The following TIMELESS variants were observed in gnomAD, a reference collection of about 807,000 sequenced individuals.
TIMELESS encodes timeless circadian regulator.
TIMELESS carries 124 observed loss-of-function variants against 164.3 expected under a neutral mutation model. The ratio of observed to expected loss-of-function variants is 0.75; its 90% CI spans 0.65 to 0.88. The LOEUF (loss-of-function observed/expected upper bound fraction) is 0.88, where lower values mean the gene tolerates loss of function less well. TIMELESS is among the 40% of genes least tolerant of loss of function. The probability of loss-of-function intolerance (pLI) is 0.00; values close to 1 mark genes in which losing one functional copy is unlikely to be tolerated. For missense variants in TIMELESS, 1,422 were observed against 1,491.4 expected, an observed-to-expected ratio of 0.95 and a Z score of 0.77; for synonymous variants, 564 against 563.4, an observed-to-expected ratio of 1.00 and a Z score of -0.02.
intron 9 of TIMELESS, 133 bp from the exon 10 acceptor site, chr12:56,430,414 G>A (rs1426861489): frequency 6.7e-6 from 7 of 1,038,784 alleles, no homozygotes; most frequent in Middle Eastern, 3.2e-4. Context: ...CACCCAGGCT[G>A]GAGTGTAATG....
rs1297053947 is a variant in TIMELESS at position 56,418,437 on chromosome 12, G to A, written c.3229-78C>T. 4 of 1,054,904 alleles carry A rather than the reference G, an allele frequency of 3.8e-6. No individual in the cohort carries two copies. In the East Asian group the frequency reaches 9.6e-5, roughly 25 times the overall value. The allele number at this position is 1,054,904 out of a possible 1,614,324, so 65.3% of individuals were successfully genotyped here. A position where few individuals can be genotyped will look rare whatever the true frequency, so the allele number is the denominator to read the frequency against. ...AGTATGATATTCATTGAATATATAT[G>A]ACCCAATATTGGTGAAGATCCACAA... On this transcript the variant is annotated intron_variant, in intron 26 of 28. Transcript: ENST00000553532.
rs1275942314 is a variant in TIMELESS, at chr12:56,420,830, T to A, written c.3092A>T (p.Asp1031Val). Residue 1031 changes from aspartate (D) to valine (V), a missense_variant, in exon 25 of 29, where the codon GAT (aspartate) becomes GTT (valine). Asp to Val is a radical substitution (Grantham distance 152). Coordinates refer to ENST00000553532, the MANE Select transcript of TIMELESS (RefSeq NM_003920.5). Reference sequence around the variant, plus strand: ...CCACTCACCATCCTCTTCCCGATCATCAGCTGCTCGGATCAGGCAGTTCTG... The same window carrying A: ...CCACTCACCATCCTCTTCCCGATCAACAGCTGCTCGGATCAGGCAGTTCTG... ...WLQNCLIRAA[D>V]DREEDGCSQA... 3 of 1,614,172 alleles carry A rather than the reference T, an allele frequency of 1.9e-6. No individual in the cohort carries two copies. Among genetic ancestry groups the A allele is most frequent in the Non-Finnish European group, 1.7e-6 (2 of 1,180,030 alleles).
intron 25 of TIMELESS, 52 bp from the exon 26 acceptor site, chr12:56,420,739 C>A: frequency 6.2e-7 from 1 of 1,612,702 alleles, no homozygotes; most frequent in African/African-American, 1.3e-5. Flanking sequence ...AGAACTGGTT[C>A]TCCATCCCAT....
In TIMELESS at chr12:56,430,155, A is replaced by C. The variant is rs757897500; in HGVS notation, c.1036T>G (p.Cys346Gly). 5 of 1,613,998 alleles carry C rather than the reference A, an allele frequency of 3.1e-6. No homozygotes were observed. The highest frequency in any genetic ancestry group is 4.2e-6 in the Non-Finnish European group (5 of 1,180,028). Residue 346 changes from cysteine to glycine, a missense_variant, in exon 10 of 29, where the codon TGC becomes GGC. Transcript: ENST00000553532. ...TAACAGTTCTCCAGGAACTCAGAGC[A>C]GAAGTCTCTGAGGAAGAGCCTCACA... ...LNVRLFLRDF[C>G]SEFLENCYNR...
rs138766529 is a variant in TIMELESS at position 56,441,608 on chromosome 12, C to T, written c.-61-7377G>A. ...TGCCACTGCACTCCAGCCTGGGTAA[C>T]AGAGTGAGACCCTGTCTCAAAAGAC... On this transcript the variant is annotated intron_variant, in intron 1 of 28. Transcript: ENST00000553532. Among the ~76,000 whole-genome samples the T allele has an allele frequency of 3.7e-3, 557 of 152,160 alleles. 3 individuals carry two copies. Among genetic ancestry groups the T allele is most frequent in the African/African-American group, 0.013 (531 of 41,514 alleles).
At chr12:56,444,500 T>C (rs916919414) in intron 1 of TIMELESS, among the ~76,000 whole-genome samples, 4 of 152,184 alleles carry the variant, frequency 2.6e-5, no homozygotes, top group African/African-American at 7.2e-5. Flanking sequence ...ATTTCCAACC[T>C]TCCCTTTATA....
intron 1 of TIMELESS, among the ~76,000 whole-genome samples, chr12:56,435,822 G>A (rs1288930614): frequency 1.3e-5 from 2 of 152,020 alleles, no homozygotes; most frequent in Non-Finnish European, 2.9e-5. Context: ...AGCCAGGCGC[G>A]ATGGCGGGCG....
chr12:56,433,414 G>C lies in TIMELESS; in HGVS notation c.396C>G (p.Val132=), dbSNP rs202023750. The C allele has an allele frequency of 1.1e-5, 17 of 1,614,034 alleles. No homozygotes were observed. The highest frequency in any genetic ancestry group is 1.4e-5 in the Non-Finnish European group (17 of 1,180,048). The part of the protein sequence containing the change: ...EAFASEKAFG[V]LSETLYELLQ... ...GCAGCTCATACAAGGTTTCACTGAG[G>C]ACTCCAAAAGCCTTCTCACTGGCAA... The change falls in exon 5 of 29, where the codon GTC becomes GTG. Residue 132 remains valine, a synonymous_variant. Transcript: ENST00000553532.
rs1310862705 is a variant in TIMELESS, at chr12:56,433,032, C to T, written c.525G>A (p.Gln175=). ...NILHVPADLD[Q]EKKIDDDASA... is the part of the protein sequence containing the mutation. ...GAACACCCAAGACCCTCACCTTCTC[C>T]TGATCAAGGTCAGCTGGGACATGGA... The change falls in exon 6 of 29, where the codon CAG becomes CAA. Residue 175 remains glutamine (Q), a synonymous_variant. Transcript: ENST00000553532. 5 of 1,613,450 alleles carry T rather than the reference C, an allele frequency of 3.1e-6. No individual in the cohort carries two copies. The highest frequency in any genetic ancestry group is 4.2e-6 in the Non-Finnish European group (5 of 1,179,788).
rs1881919151 is a variant in TIMELESS at position 56,432,415 on chromosome 12, C to T, written c.641G>A (p.Trp214Ter). ...GACAATCTCTAGCACATGTAGGCTCCATTGCTCCTCAGCAGACGAGCTGGC... is the reference window on the plus strand; with the variant it reads ...GACAATCTCTAGCACATGTAGGCTCTATTGCTCCTCAGCAGACGAGCTGGC... ...FLASSSAEEQ[W>*]SLHVLEIVSL... Residue 214 changes from tryptophan to a stop codon, truncating the protein, a stop_gained, in exon 7 of 29, where the codon TGG becomes TAG. Coordinates refer to ENST00000553532, the MANE Select transcript of TIMELESS (RefSeq NM_003920.5). LOFTEE classifies it high-confidence loss of function. 6.2e-7 allele frequency: 1 copy of T among 1,614,090 alleles called. No individual in the cohort carries two copies.
intron 13 of TIMELESS, 43 bp downstream of exon 13, chr12:56,428,193 C>T: frequency 5.3e-6 from 8 of 1,522,234 alleles, no homozygotes; most frequent in Non-Finnish European, 7.1e-6. Context: ...CCTTCCTTGA[C>T]TCTCCCTTAC....
chr12:56,432,976 G>GA, intron 6 of TIMELESS, 50 bp downstream of exon 6: 1 of 1,009,014 alleles, frequency 9.9e-7, no homozygotes, highest in South Asian at 1.8e-5. Context: ...AAAAAAAAAG[G>GA]CAGCTCAACC....
rs768756941 is a variant in TIMELESS at position 56,422,169 on chromosome 12, T to C, written c.2461A>G (p.Thr821Ala). 6.2e-7 allele frequency: 1 copy of C among 1,613,990 alleles called. No homozygotes were observed. Among genetic ancestry groups the C allele is most frequent in the African/African-American group, 1.3e-5 (1 of 74,912 alleles). ...TGAGCCTCTTCTTCGGGGCTCCATG[T>C]AGGTGCTCTGCGACTGGAAGACCTG... is the stretch of plus-strand genomic sequence containing the variant. Reference protein sequence around the residue: ...DDRSSSRRAPTWSPEEEAHLR... With the variant: ...DDRSSSRRAPAWSPEEEAHLR... Residue 821 changes from threonine (T) to alanine (A), a missense_variant, in exon 20 of 29, where the codon ACA (threonine) becomes GCA (alanine). Coordinates refer to ENST00000553532, the MANE Select transcript of TIMELESS (RefSeq NM_003920.5).
intron 12 of TIMELESS, 26 bp from the exon 13 acceptor site, chr12:56,428,431 G>T (rs759389311): frequency 6.2e-7 from 1 of 1,604,978 alleles, no homozygotes; most frequent in Admixed American, 1.7e-5. Flanking sequence ...AGAAAGGGAT[G>T]GAAGGGCTAT....
At chr12:56,441,750 GC>G (rs1485171124) in intron 1 of TIMELESS, among the ~76,000 whole-genome samples, 2 of 149,700 alleles carry the variant, frequency 1.3e-5, no homozygotes, top group Non-Finnish European at 3.0e-5. Context: ...GCAAAAGATA[GC>G]GTGCAGGTGC....
intron 7 of TIMELESS, 44 bp from the exon 8 acceptor site, chr12:56,431,648 C>T (rs776719542): frequency 6.3e-7 from 1 of 1,594,792 alleles, no homozygotes; most frequent in African/African-American, 1.4e-5. Context: ...ACAGTCATTC[C>T]TTATCCTGAG....
chr12:56,418,498 C>G, intron 26 of TIMELESS, 139 bp from the exon 27 acceptor site: 1 of 614,482 alleles, frequency 1.6e-6, no homozygotes, highest in Non-Finnish European at 2.9e-6. Flanking sequence ...TACTTACTAT[C>G]TAATATATAC....
chr12:56,435,358 TAA>T (rs71446553), intron 1 of TIMELESS, among the ~76,000 whole-genome samples: 21 of 146,964 alleles, frequency 1.4e-4, no homozygotes, highest in African/African-American at 4.5e-4. Context: ...CATCTTCTTT[TAA>T]AAAAAAAAAA....
At chr12:56,447,176 A>ATTT (rs1284810969) in intron 1 of TIMELESS, among the ~76,000 whole-genome samples, 2 of 88,752 alleles carry the variant, frequency 2.3e-5, no homozygotes, top group African/African-American at 9.5e-5. Context: ...TACCCAGCTA[A>ATTT]TTTTTGTTTT....
Sources: allele counts gnomAD v4.1 joint callset (sites outside exome capture counted in the v4.1 genomes callset), GRCh38; gene constraint gnomAD v4.1.1; transcripts MANE v1.5; gene names NCBI Gene and HGNC (gene_info 2026-07-23, HGNC 2026-07-21).